Variants in CLVS1 observed in about 807,000 individuals in gnomAD.
The protein encoded by CLVS1 is clavesin-1.
Under a neutral mutation model 33.1 loss-of-function variants are expected in CLVS1, and 10 were observed. The ratio of observed to expected loss-of-function variants is 0.30; its 90% CI spans 0.19 to 0.51. The LOEUF (loss-of-function observed/expected upper bound fraction) is 0.51, where lower values mean the gene tolerates loss of function less well. CLVS1 is among the 20% of genes least tolerant of loss of function. CLVS1 has a pLI of 0.97. For missense variants in CLVS1, 343 were observed against 433.4 expected (o/e 0.79, Z 1.85); for synonymous variants, 163 against 166.1 (o/e 0.98, Z 0.14).
At chr8:61,036,866 T>C in the CLVS1 span, among the ~76,000 whole-genome samples, 1 of 152,260 alleles carries the variant, frequency 6.6e-6, no homozygotes, top group African/African-American at 2.4e-5. Flanking sequence ...AGCTTATCAT[T>C]CTGCCTTTCT....
intron 2 of CLVS1, among the ~76,000 whole-genome samples, chr8:61,347,803 G>A (rs961068592): frequency 6.6e-6 from 1 of 150,684 alleles, no homozygotes; most frequent in East Asian, 2.0e-4. Flanking sequence ...AGGTGGGATT[G>A]CTGAATCATA....
intron 3 of CLVS1, among the ~76,000 whole-genome samples, chr8:61,383,583 T>C (rs1034941262): frequency 1.3e-5 from 2 of 152,228 alleles, no homozygotes; most frequent in Admixed American, 1.3e-4. Context: ...TAATTTTGAA[T>C]TTGCAAGAGT....
the CLVS1 span, among the ~76,000 whole-genome samples, chr8:61,031,738 G>A: frequency 1.3e-5 from 2 of 152,232 alleles, no homozygotes; most frequent in African/African-American, 4.8e-5. Context: ...AATACAGAAT[G>A]GGGACAAGGC....
chr8:61,485,538 G>A (rs1039307965), intron 5 of CLVS1, among the ~76,000 whole-genome samples: 21 of 152,210 alleles, frequency 1.4e-4, no homozygotes, highest in East Asian at 1.3e-3. Context: ...GCAGTGTGGC[G>A]ATTCTTTGAT....
Position 61,329,821 on chromosome 8 carries a change from CT to C in CLVS1, c.455+29543del, listed in dbSNP as rs555839539. Reference sequence around the variant, plus strand: ...GATGACATTCCCTTCCCTATATAACCTTTTGCCATCCCTTCAGTTAGTAATT... The same window carrying C: ...GATGACATTCCCTTCCCTATATAACCTTTGCCATCCCTTCAGTTAGTAATT... On this transcript the variant is annotated intron_variant, in intron 2 of 5. Transcript: ENST00000325897. Among the ~76,000 whole-genome samples the C allele has an allele frequency of 4.6e-5, 7 of 152,204 alleles. No homozygotes were observed. In the South Asian group the frequency reaches 1.5e-3, roughly 32 times the overall value.
At chr8:61,486,648 G>A (rs2610520) in intron 5 of CLVS1, among the ~76,000 whole-genome samples, 22,590 of 152,014 alleles carry the variant, frequency 0.15, 1,818 homozygotes, top group African/African-American at 0.21. Context: ...GAAAGGAAGC[G>A]TTGAATTCTT....
At chr8:61,090,463 C>T (rs1219895486) in intron 1 of CLVS1, among the ~76,000 whole-genome samples, 3 of 152,092 alleles carry the variant, frequency 2.0e-5, no homozygotes, top group Admixed American at 6.5e-5. Flanking sequence ...CTGTTGGACT[C>T]CCAAAATTCG....
At chr8:61,463,793 G>A (rs181288946) in intron 5 of CLVS1, among the ~76,000 whole-genome samples, 9 of 152,224 alleles carry the variant, frequency 5.9e-5, no homozygotes, top group Admixed American at 5.2e-4. Flanking sequence ...TGGGCCGGGT[G>A]CAGTGGCTCA....
chr8:61,158,257 G>C (rs969311991), intron 2 of CLVS1, among the ~76,000 whole-genome samples: 12 of 152,022 alleles, frequency 7.9e-5, no homozygotes, highest in Admixed American at 7.9e-4. Context: ...TATAAGATTC[G>C]AAATGGGGCA....
At chr8:61,439,290 C>T (rs1365559355) in intron 3 of CLVS1, among the ~76,000 whole-genome samples, 2 of 152,174 alleles carry the variant, frequency 1.3e-5, no homozygotes, top group Non-Finnish European at 2.9e-5. Flanking sequence ...TAGGGGCCCT[C>T]AGGGAAACTT....
chr8:61,027,318 T>A, the CLVS1 span, among the ~76,000 whole-genome samples: 2 of 152,194 alleles, frequency 1.3e-5, no homozygotes, highest in Non-Finnish European at 2.9e-5. Context: ...TGTGTTATAT[T>A]GTGTTTTATA....
At chr8:61,435,780 A>G (rs941616617) in intron 3 of CLVS1, among the ~76,000 whole-genome samples, 5 of 152,204 alleles carry the variant, frequency 3.3e-5, no homozygotes, top group African/African-American at 1.2e-4. Context: ...TAAAGGCAGA[A>G]AATTTTATTT....
At chr8:61,480,877 G>A (rs1818167206) in intron 5 of CLVS1, among the ~76,000 whole-genome samples, 1 of 152,102 alleles carries the variant, frequency 6.6e-6, no homozygotes, top group Admixed American at 6.5e-5. Context: ...GGGTAATAAT[G>A]AGTTTACAGT....
the CLVS1 span, among the ~76,000 whole-genome samples, chr8:61,009,143 G>A: frequency 6.6e-6 from 1 of 151,806 alleles, no homozygotes; most frequent in Non-Finnish European, 1.5e-5. Context: ...GCTCTTGCCA[G>A]CATTCAGTAA....
intron 3 of CLVS1, among the ~76,000 whole-genome samples, chr8:61,379,658 T>A (rs1387586893): frequency 2.0e-5 from 3 of 152,154 alleles, no homozygotes; most frequent in Non-Finnish European, 4.4e-5. Context: ...ACACTTTGAG[T>A]TCTCTGGGGA....
Position 61,310,131 on chromosome 8 carries a change from A to T in CLVS1, c.455+9849A>T, listed in dbSNP as rs183396436. ...CAAAGCCTATTAAGAGAAACCCAAG[A>T]AAAGGTTTAACTGTCTGCCCTTCCC... On this transcript the variant is annotated intron_variant, in intron 2 of 5. Transcript: ENST00000325897. 6.3e-4 allele frequency among the ~76,000 whole-genome samples: 96 copies of T among 152,318 alleles called. No individual in the cohort carries two copies. In the East Asian group the frequency reaches 0.017, roughly 26 times the overall value.
chr8:61,250,842 A>G lies in CLVS1; in HGVS notation c.-151-48835A>G, dbSNP rs867455009. On this transcript the variant is annotated intron_variant, in intron 2 of 2. Transcript: ENST00000522621. Reference sequence around the variant, plus strand: ...TGAGAGGATGGGGTTTTCTAAATATACAATCATGTCATCTGCAAACAGAGA... The same window carrying G: ...TGAGAGGATGGGGTTTTCTAAATATGCAATCATGTCATCTGCAAACAGAGA... Among the ~76,000 whole-genome samples, 17 of 152,318 alleles carry G rather than the reference A, an allele frequency of 1.1e-4. No homozygotes were observed. The Middle Eastern group carries it at 0.014, about 122-fold the overall frequency.
intron 2 of CLVS1, among the ~76,000 whole-genome samples, chr8:61,231,306 A>ACACACACACACTCT (rs1018645839): frequency 6.6e-6 from 1 of 151,108 alleles, no homozygotes; most frequent in African/African-American, 2.4e-5. Flanking sequence ...ACACACACAC[A>ACACACACACACTCT]CTCTAATATT....
chr8:61,469,217 A>G (rs1239097919), intron 5 of CLVS1, among the ~76,000 whole-genome samples: 1 of 152,220 alleles, frequency 6.6e-6, no homozygotes, highest in Non-Finnish European at 1.5e-5. Flanking sequence ...AAAAGTGACA[A>G]TATTACACCA....
Sources: gnomAD v4.1 joint callset for allele counts (sites outside exome capture counted in the v4.1 genomes callset) on GRCh38, gnomAD v4.1.1 for gene constraint, MANE v1.5 for transcripts, NCBI Gene and HGNC (gene_info 2026-07-23, HGNC 2026-07-21) for gene names.